The following PCDH15 variants were observed in gnomAD, a reference collection of about 807,000 sequenced individuals.
PCDH15 encodes the protein protocadherin-15.
A neutral mutation model predicts 178.5 loss-of-function variants in PCDH15; 129 were observed. That is an observed-to-expected ratio of 0.72 (90% CI 0.63 to 0.84). PCDH15 has a LOEUF of 0.84. Ranked by LOEUF, PCDH15 falls within the 40% of genes least tolerant of loss-of-function variation. The pLI is 0.00. For missense variants in PCDH15, 2,230 were observed against 2,099.9 expected (o/e 1.06, Z -1.21); for synonymous variants, 800 against 732.0 (o/e 1.09, Z -1.50).
Position 54,715,766 on chromosome 10 carries a change from T to C in PCDH15, c.-28-51476A>G, listed in dbSNP as rs574757142. On this transcript the variant is annotated intron_variant, in intron 1 of 37. Transcript: ENST00000644397. ...ATTTGGCACACACACGTCCACAGAT[T>C]AGTAGTTTGAGCCATTCATCCCTTC... Among the ~76,000 whole-genome samples the C allele has an allele frequency of 2.0e-5, 3 of 152,110 alleles. No individual in the cohort carries two copies. The South Asian group carries it at 6.2e-4, about 32-fold the overall frequency.
chr10:55,370,740 G>A (rs556506869), intron 2 of PCDH15, among the ~76,000 whole-genome samples: 1 of 152,076 alleles, frequency 6.6e-6, no homozygotes, highest in Non-Finnish European at 1.5e-5. Flanking sequence ...CAGTTGCTGA[G>A]CAGGCCAACT....
chr10:54,779,412 A>ATATATACACACACACATATATGTG (rs1950044878), intron 1 of PCDH15, among the ~76,000 whole-genome samples: 3 of 119,648 alleles, frequency 2.5e-5, no homozygotes, highest in Non-Finnish European at 5.1e-5. Flanking sequence ...ATATGTATAT[A>ATATATACACACACACATATATGTG]TATATATATA....
At chr10:55,383,055 G>A (rs1277303138) in intron 2 of PCDH15, among the ~76,000 whole-genome samples, 3 of 152,118 alleles carry the variant, frequency 2.0e-5, no homozygotes, top group Admixed American at 2.0e-4. Context: ...TGGCCTCCAG[G>A]AATAATCAGG....
chr10:54,372,782 A>G lies in PCDH15; in HGVS notation c.319-3507T>C, dbSNP rs1467417928. Reference sequence around the variant, plus strand: ...TAACTATTTAAAACTATTACCATTCATATATACCTAAACATGCAAGCTATT... The same window carrying G: ...TAACTATTTAAAACTATTACCATTCGTATATACCTAAACATGCAAGCTATT... On this transcript the variant is annotated intron_variant, in intron 4 of 37. Coordinates refer to ENST00000644397, the MANE Select transcript of PCDH15 (RefSeq NM_001384140.1). Among the ~76,000 whole-genome samples the G allele has an allele frequency of 2.0e-5, 3 of 152,084 alleles. No individual in the cohort carries two copies. The East Asian group carries it at 5.8e-4, about 29-fold the overall frequency.
chr10:54,690,285 C>T (rs1365226544), intron 1 of PCDH15, among the ~76,000 whole-genome samples: 1 of 149,462 alleles, frequency 6.7e-6, no homozygotes, highest in Non-Finnish European at 1.5e-5. Flanking sequence ...CACCATATTA[C>T]TGGTTTGTGT....
At chr10:54,295,625 C>T (rs1367827494) in intron 8 of PCDH15, among the ~76,000 whole-genome samples, 1 of 152,198 alleles carries the variant, frequency 6.6e-6, no homozygotes, top group Non-Finnish European at 1.5e-5. Flanking sequence ...AAACTCCGGA[C>T]ATACCATCTT....
intron 18 of PCDH15, among the ~76,000 whole-genome samples, chr10:54,025,456 G>T (rs2089400): frequency 0.77 from 116,385 of 151,568 alleles, 44,929 homozygotes; most frequent in Middle Eastern, 0.86. Flanking sequence ...AATCCCGGTT[G>T]CTAGAGGTCC....
chr10:55,440,502 T>G (rs544561675), intron 2 of PCDH15, among the ~76,000 whole-genome samples: 44 of 152,334 alleles, frequency 2.9e-4, no homozygotes, highest in African/African-American at 9.6e-4. Context: ...CAAAATGGTA[T>G]GTTTTAATAG....
chr10:54,808,131 G>A (rs1333307225), intron 3 of PCDH15, among the ~76,000 whole-genome samples: 1 of 151,784 alleles, frequency 6.6e-6, no homozygotes, highest in Non-Finnish European at 1.5e-5. Context: ...TGCTGTAACC[G>A]AGACTGATAT....
At chr10:55,000,856 G>T (rs1839780177) in intron 2 of PCDH15, among the ~76,000 whole-genome samples, 1 of 151,988 alleles carries the variant, frequency 6.6e-6, no homozygotes, top group African/African-American at 2.4e-5. Flanking sequence ...CAGCATCCCT[G>T]AACTCTTGGG....
intron 2 of PCDH15, chr10:54,600,386 CA>C: frequency 1.8e-6 from 1 of 551,646 alleles, no homozygotes; most frequent in Non-Finnish European, 3.6e-6. Flanking sequence ...GAGACCAAGG[CA>C]AAAGGCAGTG....
chr10:55,622,934 C>T (rs1837437381), intron 2 of PCDH15, among the ~76,000 whole-genome samples: 1 of 152,134 alleles, frequency 6.6e-6, no homozygotes, highest in Non-Finnish European at 1.5e-5. Flanking sequence ...TAAAACTGAG[C>T]AAATGGCATA....
At chr10:55,111,853 CA>C (rs1017592416) in intron 2 of PCDH15, among the ~76,000 whole-genome samples, 2 of 151,494 alleles carry the variant, frequency 1.3e-5, no homozygotes, top group Non-Finnish European at 2.9e-5. Flanking sequence ...AACTCCATCT[CA>C]AAAAAAACAA....
At chr10:54,633,249 A>T (rs1378915190) in intron 2 of PCDH15, among the ~76,000 whole-genome samples, 1 of 152,238 alleles carries the variant, frequency 6.6e-6, no homozygotes, top group East Asian at 1.9e-4. Context: ...GTAAAGGGGC[A>T]TCCACTGGAG....
chr10:54,942,576 T>C (rs1056334469), intron 2 of PCDH15, among the ~76,000 whole-genome samples: 6 of 152,038 alleles, frequency 3.9e-5, no homozygotes, highest in African/African-American at 1.4e-4. Flanking sequence ...TAGCTATGCC[T>C]TAGTTGTATT....
At chr10:54,437,182 C>G (rs1888972) in intron 3 of PCDH15, among the ~76,000 whole-genome samples, 70,160 of 151,960 alleles carry the variant, frequency 0.46, 16,947 homozygotes, top group Middle Eastern at 0.52. Flanking sequence ...TTGAAGCAAG[C>G]TCTCCAATTT....
intron 28 of PCDH15, among the ~76,000 whole-genome samples, chr10:53,853,471 G>A (rs1038337312): frequency 2.0e-5 from 3 of 151,876 alleles, no homozygotes; most frequent in Admixed American, 2.0e-4. Flanking sequence ...CAATCATCAG[G>A]GTGAAAAGGC....
chr10:54,837,052 A>G (rs914628959), intron 3 of PCDH15, among the ~76,000 whole-genome samples: 2 of 152,146 alleles, frequency 1.3e-5, no homozygotes, highest in Non-Finnish European at 2.9e-5. Context: ...GTTAGATATA[A>G]ATGACAATAC....
At chr10:55,142,913 G>T (rs757604001) in intron 2 of PCDH15, among the ~76,000 whole-genome samples, 23 of 152,206 alleles carry the variant, frequency 1.5e-4, no homozygotes, top group Non-Finnish European at 2.6e-4. Flanking sequence ...TTGGCTCTGC[G>T]TCCCTACCCA....
Sources: gnomAD v4.1 joint callset for allele counts (sites outside exome capture counted in the v4.1 genomes callset) on GRCh38, gnomAD v4.1.1 for gene constraint, MANE v1.5 for transcripts, NCBI Gene and HGNC (gene_info 2026-07-23, HGNC 2026-07-21) for gene names.